The following CALD1 variants were observed in gnomAD, a reference collection of about 807,000 sequenced individuals.
CALD1 encodes caldesmon 1.
A neutral mutation model predicts 99.9 loss-of-function variants in CALD1; 33 were observed. The ratio of observed to expected loss-of-function variants is 0.33; its 90% CI spans 0.25 to 0.44. The LOEUF (loss-of-function observed/expected upper bound fraction) is 0.44. CALD1 is among the 20% of genes least tolerant of loss of function. CALD1 has a pLI of 1.00. For missense variants in CALD1, 861 were observed against 962.1 expected (o/e 0.89, Z 1.39); for synonymous variants, 310 against 325.0 (o/e 0.95, Z 0.50).
chr7:134,793,977 C>T (rs1360947835), intron 1 of CALD1, among the ~76,000 whole-genome samples: 1 of 152,184 alleles, frequency 6.6e-6, no homozygotes, highest in Non-Finnish European at 1.5e-5. Flanking sequence ...TTCAATTCTT[C>T]TTCTCCCTTG....
chr7:134,879,427 T>A (rs1202485696), intron 3 of CALD1, among the ~76,000 whole-genome samples: 1 of 152,256 alleles, frequency 6.6e-6, no homozygotes, highest in East Asian at 1.9e-4. Flanking sequence ...TAACGCAGAC[T>A]GTTTTTGAAT....
At position 134,941,692 on chromosome 7, in the gene CALD1, G is replaced by A. The variant is rs548651510; in HGVS notation, c.1532+455G>A. Among the ~76,000 whole-genome samples, 9 of 152,288 alleles carry A rather than the reference G, an allele frequency of 5.9e-5. No homozygotes were observed. In the South Asian group the frequency reaches 1.9e-3, roughly 32 times the overall value. ...TGCATAAGACTAAGATTGTTTTGTG[G>A]CGAAATACTTGGGAAACACTGGATT... On this transcript the variant is annotated intron_variant, in intron 7 of 14. Transcript: ENST00000361675.
In CALD1 at chr7:134,793,819, A is replaced by T. The variant is rs147160701; in HGVS notation, c.-130+14070A>T. 4.7e-3 allele frequency among the ~76,000 whole-genome samples: 667 copies of T among 141,154 alleles called. 6 individuals are homozygous for T. Among genetic ancestry groups the T allele is most frequent in the African/African-American group, 0.016 (619 of 39,058 alleles). The allele number at this position is 141,154 out of a possible 152,430, so 92.6% of individuals were successfully genotyped here. A position where few individuals can be genotyped will look rare whatever the true frequency, so the allele number is the denominator to read the frequency against. Reference sequence around the variant, plus strand: ...CAACCACTCCCTCCATTTATGTACCATTTTTTTTTTTTAAACCTTTTATGT... The same window carrying T: ...CAACCACTCCCTCCATTTATGTACCTTTTTTTTTTTTTAAACCTTTTATGT... On this transcript the variant is annotated intron_variant, in intron 1 of 14. Coordinates refer to ENST00000361675, the MANE Select transcript of CALD1 (RefSeq NM_033138.4).
intron 3 of CALD1, among the ~76,000 whole-genome samples, chr7:134,895,298 ATGTGTGTGTGTGTGTGTGTGTGTG>A (rs71172482): frequency 7.2e-6 from 1 of 138,720 alleles, no homozygotes; most frequent in South Asian, 2.4e-4. Context: ...TTATATATGT[ATGTGTGTGTGTGTGTGTGTGTGTG>A]TGTGTGTGTG....
intron 1 of CALD1, among the ~76,000 whole-genome samples, chr7:134,765,520 T>C (rs185505173): frequency 8.3e-4 from 126 of 152,272 alleles, no homozygotes; most frequent in African/African-American, 2.8e-3. Flanking sequence ...ACTGCACTTA[T>C]GCGATTCCAT....
intron 2 of CALD1, among the ~76,000 whole-genome samples, chr7:134,866,189 A>G (rs1377358696): frequency 6.6e-6 from 1 of 152,150 alleles, no homozygotes; most frequent in Non-Finnish European, 1.5e-5. Flanking sequence ...GGAACTCTCA[A>G]ATCACTTTTT....
intron 9 of CALD1, among the ~76,000 whole-genome samples, chr7:134,955,261 G>C (rs757658642): frequency 6.6e-6 from 1 of 152,082 alleles, no homozygotes; most frequent in Non-Finnish European, 1.5e-5. Context: ...ATGGTGGCGC[G>C]CATCTGTAGT....
intron 6 of CALD1, among the ~76,000 whole-genome samples, chr7:134,937,578 T>C (rs758644441): frequency 1.5e-4 from 23 of 152,050 alleles, no homozygotes; most frequent in Non-Finnish European, 3.1e-4. Flanking sequence ...CTTTAAATCA[T>C]GTTTACATGA....
intron 1 of CALD1, among the ~76,000 whole-genome samples, chr7:134,835,857 T>C (rs1586066428): frequency 6.6e-6 from 1 of 152,210 alleles, no homozygotes; most frequent in Admixed American, 6.5e-5. Flanking sequence ...AGATAAAAGA[T>C]AAATGAGGCT....
chr7:134,776,043 T>C (rs1005109166), upstream of CALD1, among the ~76,000 whole-genome samples: 10 of 152,224 alleles, frequency 6.6e-5, no homozygotes, highest in Non-Finnish European at 1.0e-4. Context: ...AATATATTTA[T>C]AGATCCTCTC....
chr7:134,804,602 T>G (rs1171321765), intron 1 of CALD1, among the ~76,000 whole-genome samples: 1 of 152,206 alleles, frequency 6.6e-6, no homozygotes, highest in Non-Finnish European at 1.5e-5. Flanking sequence ...TATTCCTCCT[T>G]CTTTATACTC....
At chr7:134,726,604 G>T in the CALD1 span, among the ~76,000 whole-genome samples, 3 of 150,856 alleles carry the variant, frequency 2.0e-5, no homozygotes, top group South Asian at 2.1e-4. Flanking sequence ...GGACAAAAAG[G>T]AGAACATTGG....
At chr7:134,892,514 T>A (rs1323266651) in intron 3 of CALD1, among the ~76,000 whole-genome samples, 1 of 152,216 alleles carries the variant, frequency 6.6e-6, no homozygotes, top group African/African-American at 2.4e-5. Flanking sequence ...CGATTCAGCA[T>A]GACAATTGTT....
intron 3 of CALD1, among the ~76,000 whole-genome samples, chr7:134,875,371 C>T (rs779964452): frequency 6.6e-6 from 1 of 152,212 alleles, no homozygotes; most frequent in African/African-American, 2.4e-5. Context: ...CGCGGTGGCT[C>T]ACGCCTGTAA....
At chr7:134,966,927 C>A (rs1003717612) in intron 14 of CALD1, among the ~76,000 whole-genome samples, 1 of 152,114 alleles carries the variant, frequency 6.6e-6, no homozygotes, top group East Asian at 1.9e-4. Context: ...ACATTCTCCA[C>A]ACACCACTGT....
chr7:134,938,413 AAT>A lies in CALD1; in HGVS notation c.1386+2651_1386+2652del, dbSNP rs1480938707. Among the ~76,000 whole-genome samples, 6 of 152,224 alleles carry A rather than the reference AAT, an allele frequency of 3.9e-5. No individual in the cohort carries two copies. The East Asian group carries it at 1.2e-3, about 29-fold the overall frequency. ...ATGTATTATTCCACTGGATATCCCA[AAT>A]ATCTAGAGTTTCAAAACCCAAATGA... On this transcript the variant is annotated intron_variant, in intron 6 of 14. Coordinates refer to ENST00000361675, the MANE Select transcript of CALD1 (RefSeq NM_033138.4).
intron 4 of CALD1, among the ~76,000 whole-genome samples, chr7:134,929,192 G>A (rs188393934): frequency 1.3e-5 from 2 of 152,226 alleles, no homozygotes; most frequent in East Asian, 1.9e-4. Flanking sequence ...AATTTAATAA[G>A]TATGGTGTGC....
At chr7:134,745,089 C>T (rs1796623635) in intron 1 of CALD1, among the ~76,000 whole-genome samples, 1 of 152,192 alleles carries the variant, frequency 6.6e-6, no homozygotes, top group South Asian at 2.1e-4. Flanking sequence ...TATAGGCACA[C>T]AATAAGTGTG....
At chr7:134,766,466 G>T (rs544795674) in intron 1 of CALD1, among the ~76,000 whole-genome samples, 29 of 152,190 alleles carry the variant, frequency 1.9e-4, no homozygotes, top group Non-Finnish European at 2.8e-4. Context: ...TTTATAAATT[G>T]CCCAGTCTCA....
Sources: allele counts gnomAD v4.1 joint callset (sites outside exome capture counted in the v4.1 genomes callset), GRCh38; gene constraint gnomAD v4.1.1; transcripts MANE v1.5; gene names NCBI Gene and HGNC (gene_info 2026-07-23, HGNC 2026-07-21).